Variants in PCSK5 observed in about 807,000 individuals in gnomAD.
PCSK5 encodes proprotein convertase subtilisin/kexin type 5.
A neutral mutation model predicts 233.2 loss-of-function variants in PCSK5; 129 were observed. The observed-to-expected ratio is 0.55, with a 90% CI of 0.48 to 0.64. The LOEUF (loss-of-function observed/expected upper bound fraction) is 0.64. Ranked by LOEUF, PCSK5 falls within the 30% of genes least tolerant of loss-of-function variation. The pLI, the probability that PCSK5 is intolerant of heterozygous loss-of-function variation, is 0.00. For synonymous variants in PCSK5, 825 were observed against 879.2 expected (o/e 0.94, Z 1.09); for missense variants, 2,076 against 2,430.1 (o/e 0.85, Z 3.06).
At chr9:76,053,407 C>T (rs929013082) in intron 5 of PCSK5, among the ~76,000 whole-genome samples, 1 of 152,124 alleles carries the variant, frequency 6.6e-6, no homozygotes, top group South Asian at 2.1e-4. Context: ...AGATTTCTGC[C>T]GTGGGCTTGA....
At chr9:76,199,989 T>A (rs1404509866) in intron 20 of PCSK5, among the ~76,000 whole-genome samples, 3 of 152,116 alleles carry the variant, frequency 2.0e-5, no homozygotes, top group Non-Finnish European at 2.9e-5. Flanking sequence ...TATCTCTAAA[T>A]GGTCTACTTC....
chr9:76,047,133 G>GC (rs1452647110), intron 5 of PCSK5, among the ~76,000 whole-genome samples: 1 of 148,504 alleles, frequency 6.7e-6, no homozygotes, highest in East Asian at 2.0e-4. Flanking sequence ...GTCTTGCTCT[G>GC]TCGCCCATGC....
At chr9:76,013,979 G>A (rs1259394214) in intron 3 of PCSK5, among the ~76,000 whole-genome samples, 2 of 150,152 alleles carry the variant, frequency 1.3e-5, no homozygotes, top group South Asian at 2.1e-4. Flanking sequence ...AAAAAAGGAA[G>A]TGGGAACTGA....
At chr9:76,213,867 T>C (rs1484973765) in intron 20 of PCSK5, among the ~76,000 whole-genome samples, 1 of 152,168 alleles carries the variant, frequency 6.6e-6, no homozygotes, top group African/African-American at 2.4e-5. Context: ...TGTCTCTCTC[T>C]GAAACATTCT....
At chr9:76,054,003 C>A (rs1485071853) in intron 5 of PCSK5, among the ~76,000 whole-genome samples, 4 of 152,134 alleles carry the variant, frequency 2.6e-5, no homozygotes, top group Admixed American at 2.6e-4. Context: ...CTGGGGAGGC[C>A]TCACAATCAT....
chr9:75,994,131 G>T (rs551473783), intron 3 of PCSK5, among the ~76,000 whole-genome samples: 2 of 151,988 alleles, frequency 1.3e-5, no homozygotes, highest in Non-Finnish European at 2.9e-5. Flanking sequence ...GCACTTTTCC[G>T]AACCAAATTC....
At chr9:75,990,623 A>C (rs1826726845) in intron 3 of PCSK5, among the ~76,000 whole-genome samples, 1 of 152,232 alleles carries the variant, frequency 6.6e-6, no homozygotes, top group South Asian at 2.1e-4. Flanking sequence ...GTTTAGAAAA[A>C]CATGATTTGT....
At chr9:75,949,226 C>A (rs1269789750) in intron 2 of PCSK5, among the ~76,000 whole-genome samples, 6 of 151,300 alleles carry the variant, frequency 4.0e-5, no homozygotes, top group Non-Finnish European at 5.9e-5. Context: ...TTTGGTAACC[C>A]TAATTTATAC....
Position 76,350,948 on chromosome 9 carries a change from C to A in PCSK5, c.5067+20C>A, listed in dbSNP as rs543418975. The A allele has an allele frequency of 1.6e-6, 2 of 1,249,072 alleles. No homozygotes were observed. The highest frequency in any genetic ancestry group is 2.3e-5 in the East Asian group (1 of 42,566). 77.4% of individuals were successfully genotyped at this position (1,249,072 alleles called of 1,614,324 possible). On this transcript the variant is annotated intron_variant, in intron 36 of 37. Transcript: ENST00000674117. ...GGAGAGGTATGGAGGGCTGGGGGTC[C>A]TGGGCCTTCTGCTCTTTCTAGAGGG...
At chr9:76,141,555 A>G (rs770550305) in intron 10 of PCSK5, among the ~76,000 whole-genome samples, 1 of 152,114 alleles carries the variant, frequency 6.6e-6, no homozygotes, top group Non-Finnish European at 1.5e-5. Flanking sequence ...GTATACATCC[A>G]TGTGACCATC....
At chr9:76,094,076 A>C (rs10869694) in intron 7 of PCSK5, among the ~76,000 whole-genome samples, 43,858 of 152,024 alleles carry the variant, frequency 0.29, 6,496 homozygotes, top group South Asian at 0.37. Flanking sequence ...CCCCCTCTCT[A>C]TTCATGAATA....
chr9:76,084,008 G>A (rs376317862), intron 7 of PCSK5, among the ~76,000 whole-genome samples: 6 of 152,138 alleles, frequency 3.9e-5, no homozygotes, highest in Non-Finnish European at 8.8e-5. Flanking sequence ...ATAGCTAGGC[G>A]GAAAGAAAAG....
At position 76,360,856 on chromosome 9, in the gene PCSK5, ATTC is replaced by A. The variant is rs1375306101; in HGVS notation, c.*1940_*1942del. On this transcript the variant is annotated 3_prime_UTR_variant, in exon 38 of 38. Coordinates refer to ENST00000674117, the MANE Select transcript of PCSK5 (RefSeq NM_001372043.1). ...TAATTTTCACATATTATAAAATTTTATTCTTCTTTTGATTTTTTTCAACCTTTT... is the reference window on the plus strand; with the variant it reads ...TAATTTTCACATATTATAAAATTTTATTCTTTTGATTTTTTTCAACCTTTT... 2 of 152,198 alleles carry A rather than the reference ATTC, an allele frequency of 1.3e-5. No individual in the cohort carries two copies. Among genetic ancestry groups the A allele is most frequent in the Non-Finnish European group, 2.9e-5 (2 of 68,028 alleles). The allele number at this position is 152,198 out of a possible 1,614,324, so 9.4% of individuals were successfully genotyped here. A position where few individuals can be genotyped will look rare whatever the true frequency, so the allele number is the denominator to read the frequency against.
At chr9:75,953,636 GTGTGTGTGTC>G (rs1824964517) in intron 2 of PCSK5, among the ~76,000 whole-genome samples, 1 of 144,226 alleles carries the variant, frequency 6.9e-6, no homozygotes, top group African/African-American at 2.5e-5. Context: ...GCGTGCATAT[GTGTGTGTGTC>G]TGTGTGTGTG....
chr9:76,140,223 C>G (rs1364295497), intron 10 of PCSK5, among the ~76,000 whole-genome samples: 1 of 152,024 alleles, frequency 6.6e-6, no homozygotes, highest in African/African-American at 2.4e-5. Flanking sequence ...TATCTCTATA[C>G]AAGATGTAAT....
Position 76,321,511 on chromosome 9 carries a change from A to G in PCSK5, c.3974A>G (p.Glu1325Gly). 1 of 1,612,238 alleles carries G rather than the reference A, an allele frequency of 6.2e-7. No homozygotes were observed. The highest frequency in any genetic ancestry group is 8.5e-7 in the Non-Finnish European group (1 of 1,179,312). ...AACGCCACCAACTGCCATTCTTGTG[A>G]AGGAGGCCACGTCCTGCACCACGGA... is the stretch of plus-strand genomic sequence containing the variant. ...EGNATNCHSCEGGHVLHHGVC... is the reference protein window; with the variant it reads ...EGNATNCHSCGGGHVLHHGVC... Residue 1325 changes from glutamate (E) to glycine (G), a missense_variant, in exon 31 of 38, where the codon GAA becomes GGA. Coordinates refer to ENST00000674117, the MANE Select transcript of PCSK5 (RefSeq NM_001372043.1).
chr9:75,903,581 T>C (rs1440858518), intron 1 of PCSK5, among the ~76,000 whole-genome samples: 1 of 142,320 alleles, frequency 7.0e-6, no homozygotes, highest in East Asian at 2.0e-4. Flanking sequence ...TGTGTATATA[T>C]ATATATAAAA....
chr9:76,173,677 A>G (rs1406653598), intron 13 of PCSK5, among the ~76,000 whole-genome samples: 2 of 151,984 alleles, frequency 1.3e-5, no homozygotes, highest in Non-Finnish European at 2.9e-5. Flanking sequence ...TCCTGCCCAG[A>G]AAATGCTGTT....
At chr9:76,296,407 G>A (rs540607113) in intron 26 of PCSK5, among the ~76,000 whole-genome samples, 1 of 152,296 alleles carries the variant, frequency 6.6e-6, no homozygotes, top group South Asian at 2.1e-4. Flanking sequence ...GCCGTGCGTG[G>A]TGACACATAC....
Sources: allele counts gnomAD v4.1 joint callset (sites outside exome capture counted in the v4.1 genomes callset), GRCh38; gene constraint gnomAD v4.1.1; transcripts MANE v1.5; gene names NCBI Gene and HGNC (gene_info 2026-07-23, HGNC 2026-07-21).